ADAMTS6: variants seen among roughly 807,000 people sequenced by gnomAD.
ADAMTS6 encodes A disintegrin and metalloproteinase with thrombospondin motifs 6.
Under a neutral mutation model 144.3 loss-of-function variants are expected in ADAMTS6, and 23 were observed. That is an observed-to-expected ratio of 0.16 (90% CI 0.11 to 0.23). The LOEUF is 0.23. Ranked by LOEUF, ADAMTS6 falls within the 10% of genes least tolerant of loss-of-function variation. ADAMTS6 has a pLI of 1.00. For synonymous variants in ADAMTS6, 444 were observed against 457.5 expected, an observed-to-expected ratio of 0.97 and a Z score of 0.38; for missense variants, 999 against 1,379.6, an observed-to-expected ratio of 0.72 and a Z score of 4.37.
intron 7 of ADAMTS6, among the ~76,000 whole-genome samples, chr5:65,407,070 T>C (rs1365152057): frequency 6.6e-6 from 1 of 152,110 alleles, no homozygotes; most frequent in Admixed American, 6.6e-5. Flanking sequence ...TTCAGGATAT[T>C]ATCCAGGAGA....
Position 65,170,676 on chromosome 5 carries a change from G to T in ADAMTS6, c.3185C>A (p.Pro1062His), listed in dbSNP as rs759574915. 6.2e-7 allele frequency: 1 copy of T among 1,614,106 alleles called. No homozygotes were observed. The highest frequency in any genetic ancestry group is 1.7e-5 in the Admixed American group (1 of 60,014). ...GCTTTCACACTGCTGCATTGATGGA[G>T]GCCGAACAGTTTCTAGACAGTCACT... The part of the protein sequence containing the change: ...ASSDCLETVR[P>H]PSMQQCESKC... The change falls in exon 24 of 25, where the codon CCT becomes CAT. Residue 1062 changes from proline (P) to histidine (H), a missense_variant. By Grantham distance (77) the Pro-to-His change is moderately conservative (BLOSUM62 -2). Around this residue, in one of 3 missense-constraint regions of ADAMTS6, gnomAD observed 619 missense variants for 837.0 expected, o/e 0.74. Coordinates refer to ENST00000381055, the MANE Select transcript of ADAMTS6 (RefSeq NM_197941.4).
chr5:65,219,717 A>C (rs552485917), intron 18 of ADAMTS6, among the ~76,000 whole-genome samples: 4 of 152,354 alleles, frequency 2.6e-5, no homozygotes, highest in Non-Finnish European at 5.9e-5. Context: ...TGGTCATAGA[A>C]TATTATCAGG....
intron 14 of ADAMTS6, among the ~76,000 whole-genome samples, chr5:65,254,477 A>T (rs190685029): frequency 3.3e-5 from 5 of 152,340 alleles, no homozygotes; most frequent in African/African-American, 1.2e-4. Context: ...TTATCTTTTT[A>T]AAAACTTGAA....
intron 14 of ADAMTS6, among the ~76,000 whole-genome samples, chr5:65,258,699 T>C (rs904779014): frequency 2.6e-5 from 4 of 152,252 alleles, no homozygotes; most frequent in Admixed American, 6.5e-5. Context: ...AGGAATTGGA[T>C]ATAAGCTATG....
In ADAMTS6 at chr5:65,226,099, T is replaced by C; in HGVS notation, c.2054A>G (p.Asn685Ser). 6.2e-7 allele frequency: 1 copy of C among 1,611,210 alleles called. No homozygotes were observed. Among genetic ancestry groups the C allele is most frequent in the South Asian group, 1.1e-5 (1 of 90,534 alleles). ...CNADSLDICI[N>S]GECKHVGCDN... Reference sequence around the variant, plus strand: ...AATCTGAGCAACCTTGCATTCTCCATTGATGCAGATATCCAGTGAATCCGC... The same window carrying C: ...AATCTGAGCAACCTTGCATTCTCCACTGATGCAGATATCCAGTGAATCCGC... Residue 685 changes from asparagine (N) to serine (S), a missense_variant, in exon 16 of 25, where the codon AAT becomes AGT. Asn to Ser is a conservative substitution (Grantham distance 46). This residue lies in a region of ADAMTS6 where 619 missense variants were observed against 837.0 expected (regional missense o/e 0.74). Transcript: ENST00000381055.
intron 7 of ADAMTS6, among the ~76,000 whole-genome samples, chr5:65,405,667 T>A (rs1283096456): frequency 6.6e-6 from 1 of 152,244 alleles, no homozygotes; most frequent in Non-Finnish European, 1.5e-5. Context: ...AAGTAGTTTT[T>A]TCCAATTCTT....
At chr5:65,462,971 T>G (rs1057462704) in intron 3 of ADAMTS6, among the ~76,000 whole-genome samples, 7 of 151,260 alleles carry the variant, frequency 4.6e-5, no homozygotes, top group African/African-American at 1.7e-4. Flanking sequence ...TCCCAGCTAC[T>G]CGGGAGGCTG....
intron 10 of ADAMTS6, among the ~76,000 whole-genome samples, chr5:65,298,480 G>A (rs972970949): frequency 2.6e-5 from 4 of 152,064 alleles, no homozygotes; most frequent in Admixed American, 2.0e-4. Flanking sequence ...TAGGGAGAGC[G>A]GATCTTCAAA....
At chr5:65,285,977 T>G (rs1198556737) in intron 11 of ADAMTS6, among the ~76,000 whole-genome samples, 14 of 151,864 alleles carry the variant, frequency 9.2e-5, no homozygotes, top group Admixed American at 9.2e-4. Context: ...GACTGAAGAG[T>G]GAAATTGAGT....
intron 14 of ADAMTS6, among the ~76,000 whole-genome samples, chr5:65,242,591 G>C (rs959407566): frequency 6.6e-6 from 1 of 151,970 alleles, no homozygotes; most frequent in Non-Finnish European, 1.5e-5. Context: ...GCTACTCCCT[G>C]ATCTTTATTT....
intron 7 of ADAMTS6, chr5:65,415,389 G>A (rs1442320437): frequency 3.1e-5 from 5 of 160,352 alleles, no homozygotes; most frequent in African/African-American, 7.2e-5. Flanking sequence ...GCATCCCGGG[G>A]GCCCAGGGAT....
intron 7 of ADAMTS6, among the ~76,000 whole-genome samples, chr5:65,388,746 T>C (rs1287374318): frequency 6.6e-6 from 1 of 152,220 alleles, no homozygotes. Context: ...TACAACAAAA[T>C]ACTGCTACGT....
chr5:65,229,031 C>T (rs767419852), intron 15 of ADAMTS6, among the ~76,000 whole-genome samples: 1 of 152,148 alleles, frequency 6.6e-6, no homozygotes, highest in Non-Finnish European at 1.5e-5. Flanking sequence ...CTGCTGTAGG[C>T]CAGCAGCCCA....
At chr5:65,276,965 A>G (rs1214689784) in intron 11 of ADAMTS6, among the ~76,000 whole-genome samples, 1 of 152,236 alleles carries the variant, frequency 6.6e-6, no homozygotes, top group Non-Finnish European at 1.5e-5. Flanking sequence ...CTGTGAATTA[A>G]TAAATCAGCA....
chr5:65,418,895 A>G (rs912655413), intron 7 of ADAMTS6, among the ~76,000 whole-genome samples: 1 of 152,144 alleles, frequency 6.6e-6, no homozygotes, highest in Non-Finnish European at 1.5e-5. Flanking sequence ...AAAAACCAAA[A>G]CAACAAATGC....
At chr5:65,364,207 T>G (rs1162433397) in intron 7 of ADAMTS6, among the ~76,000 whole-genome samples, 1 of 152,126 alleles carries the variant, frequency 6.6e-6, no homozygotes, top group Non-Finnish European at 1.5e-5. Flanking sequence ...GATTGAAAGG[T>G]TTTTGGCTAA....
intron 14 of ADAMTS6, among the ~76,000 whole-genome samples, chr5:65,252,402 C>A (rs560418431): frequency 6.6e-6 from 1 of 151,578 alleles, no homozygotes; most frequent in Non-Finnish European, 1.5e-5. Context: ...CAACCACGCC[C>A]GGCTAATTTT....
At chr5:65,370,695 G>C (rs1750795633) in intron 7 of ADAMTS6, among the ~76,000 whole-genome samples, 4 of 152,320 alleles carry the variant, frequency 2.6e-5, no homozygotes, top group African/African-American at 9.6e-5. Context: ...GCGAGGCTGG[G>C]GGAGGGGCGC....
chr5:65,203,891 T>C (rs1337966553), intron 20 of ADAMTS6, among the ~76,000 whole-genome samples: 1 of 152,222 alleles, frequency 6.6e-6, no homozygotes, highest in Non-Finnish European at 1.5e-5. Context: ...ACCTGTGATA[T>C]ATAGATCATT....
Sources: gnomAD v4.1 joint callset for allele counts (sites outside exome capture counted in the v4.1 genomes callset) on GRCh38, gnomAD v4.1.1 for gene constraint, gnomAD v4.1.1 regional missense constraint, MANE v1.5 for transcripts, NCBI Gene and HGNC (gene_info 2026-07-23, HGNC 2026-07-21) for gene names.